Variants in GRM1 observed in about 807,000 individuals in gnomAD.
GRM1 encodes glutamate metabotropic receptor 1, also known as metabotropic glutamate receptor 1.
A neutral mutation model predicts 90.9 loss-of-function variants in GRM1; 33 were observed. The ratio of observed to expected loss-of-function variants is 0.36; its 90% CI spans 0.28 to 0.49. GRM1 has a LOEUF of 0.49. Ranked by LOEUF, GRM1 falls within the 20% of genes least tolerant of loss-of-function variation. GRM1 has a pLI of 0.99. For synonymous variants in GRM1, 700 were observed against 613.2 expected, an observed-to-expected ratio of 1.14 and a Z score of -2.09; for missense variants, 1,190 against 1,534.3, an observed-to-expected ratio of 0.78 and a Z score of 3.75.
At chr6:146,104,160 G>C (rs1273001039) in intron 1 of GRM1, among the ~76,000 whole-genome samples, 1 of 152,222 alleles carries the variant, frequency 6.6e-6, no homozygotes, top group African/African-American at 2.4e-5. Flanking sequence ...GTGGTTGCCA[G>C]CTGGGCGCGG....
intron 1 of GRM1, among the ~76,000 whole-genome samples, chr6:146,125,401 A>AT (rs1468942456): frequency 2.6e-5 from 4 of 151,568 alleles, no homozygotes; most frequent in African/African-American, 9.7e-5. Flanking sequence ...ACATAGGGAT[A>AT]TTTTTTCCTC....
At chr6:146,332,972 C>A (rs1475375431) in intron 3 of GRM1, among the ~76,000 whole-genome samples, 2 of 152,096 alleles carry the variant, frequency 1.3e-5, no homozygotes, top group Admixed American at 6.6e-5. Context: ...GAGTATTTTC[C>A]CCCATCCCTG....
At chr6:146,202,010 A>G (rs1169634380) in intron 2 of GRM1, among the ~76,000 whole-genome samples, 2 of 152,156 alleles carry the variant, frequency 1.3e-5, no homozygotes, top group Non-Finnish European at 2.9e-5. Flanking sequence ...TTAATGAAGG[A>G]CCCTGAGTGG....
intron 2 of GRM1, among the ~76,000 whole-genome samples, chr6:146,301,144 T>C (rs1475573386): frequency 1.3e-5 from 2 of 152,150 alleles, no homozygotes. Flanking sequence ...CTTTAAAACA[T>C]ATCCACCAAG....
rs140100055 is a variant in GRM1 at position 146,177,747 on chromosome 6, G to A, written c.950+18150G>A. On this transcript the variant is annotated intron_variant, in intron 2 of 7. Coordinates refer to ENST00000282753, the MANE Select transcript of GRM1 (RefSeq NM_001278064.2). ...ATTTCTTGTCTCTGCCTTGAAAAAT[G>A]CATTTTAAAATTGTAGACAAGAAAA... Among the ~76,000 whole-genome samples the A allele has an allele frequency of 3.0e-3, 461 of 152,098 alleles. 3 individuals carry two copies. The highest frequency in any genetic ancestry group is 0.011 in the African/African-American group (440 of 41,518).
At chr6:146,219,907 T>TTGTGTGTG (rs113309622) in intron 2 of GRM1, among the ~76,000 whole-genome samples, 4 of 148,402 alleles carry the variant, frequency 2.7e-5, no homozygotes, top group Admixed American at 1.4e-4. Context: ...TCTTGTTGTT[T>TTGTGTGTG]TGTGTGTGTG....
rs76129103 is a variant in GRM1, at chr6:146,339,611, T to C, written c.1187-12639T>C. 5.3e-5 allele frequency among the ~76,000 whole-genome samples: 8 copies of C among 152,356 alleles called. No individual in the cohort carries two copies. In the East Asian group the frequency reaches 1.5e-3, roughly 29 times the overall value. ...ATGCTTCAGTTAGATCATCATCCTATTGCTGAGTTATCAGTCATTCACTAT... is the reference window on the plus strand; with the variant it reads ...ATGCTTCAGTTAGATCATCATCCTACTGCTGAGTTATCAGTCATTCACTAT... On this transcript the variant is annotated intron_variant, in intron 3 of 7. Coordinates refer to ENST00000282753, the MANE Select transcript of GRM1 (RefSeq NM_001278064.2).
intron 3 of GRM1, among the ~76,000 whole-genome samples, chr6:146,349,057 T>C (rs1306140317): frequency 6.9e-6 from 1 of 145,848 alleles, no homozygotes; most frequent in Non-Finnish European, 1.5e-5. Flanking sequence ...TTATTATTAT[T>C]ATTATTATTA....
At chr6:146,143,236 C>A (rs945142341) in intron 1 of GRM1, among the ~76,000 whole-genome samples, 1 of 152,082 alleles carries the variant, frequency 6.6e-6, no homozygotes, top group Admixed American at 6.5e-5. Context: ...TCTTCCATAC[C>A]CTAATTTCCT....
intron 2 of GRM1, among the ~76,000 whole-genome samples, chr6:146,193,291 T>G (rs1424527735): frequency 6.6e-6 from 1 of 152,202 alleles, no homozygotes; most frequent in Non-Finnish European, 1.5e-5. Context: ...AAATCATGTG[T>G]CTGGATGAGA....
chr6:146,133,306 C>A (rs1217512384), intron 1 of GRM1, among the ~76,000 whole-genome samples: 2 of 152,148 alleles, frequency 1.3e-5, no homozygotes, highest in African/African-American at 2.4e-5. Context: ...AATAATGTCT[C>A]TTTTCTTAGT....
At chr6:146,105,050 T>C (rs765530536) in intron 1 of GRM1, among the ~76,000 whole-genome samples, 1 of 152,254 alleles carries the variant, frequency 6.6e-6, no homozygotes, top group Non-Finnish European at 1.5e-5. Context: ...TCCCTTGGGA[T>C]AAACCTTTGG....
At chr6:146,068,980 A>G (rs962293520) in intron 1 of GRM1, among the ~76,000 whole-genome samples, 1 of 152,164 alleles carries the variant, frequency 6.6e-6, no homozygotes, top group Non-Finnish European at 1.5e-5. Flanking sequence ...TGGCTATGTG[A>G]ATTTTTCTGC....
chr6:146,114,358 G>A (rs1029958167), intron 1 of GRM1, among the ~76,000 whole-genome samples: 3 of 152,122 alleles, frequency 2.0e-5, no homozygotes, highest in African/African-American at 4.8e-5. Context: ...AAATCAAACT[G>A]GGATTTGTTC....
chr6:146,225,152 C>T (rs73783647), intron 2 of GRM1, among the ~76,000 whole-genome samples: 109 of 152,190 alleles, frequency 7.2e-4, no homozygotes, highest in Middle Eastern at 3.4e-3. Context: ...ATATCTGGTC[C>T]ACGGGAATCA....
chr6:146,147,375 G>T (rs975870757), intron 1 of GRM1, among the ~76,000 whole-genome samples: 1 of 152,150 alleles, frequency 6.6e-6, no homozygotes, highest in Non-Finnish European at 1.5e-5. Flanking sequence ...CTCTGTAAAT[G>T]GAGAGAATTA....
intron 2 of GRM1, among the ~76,000 whole-genome samples, chr6:146,181,997 G>A (rs1778568323): frequency 6.6e-6 from 1 of 152,016 alleles, no homozygotes; most frequent in South Asian, 2.1e-4. Flanking sequence ...TTGAGAAAGG[G>A]TAGTTATTTT....
intron 2 of GRM1, among the ~76,000 whole-genome samples, chr6:146,266,547 C>T (rs1341279898): frequency 6.6e-6 from 1 of 152,124 alleles, no homozygotes; most frequent in Non-Finnish European, 1.5e-5. Flanking sequence ...TTTAATTAAT[C>T]ACCAGGTTCT....
chr6:146,421,578 T>C (rs1406932459), intron 7 of GRM1, among the ~76,000 whole-genome samples: 1 of 152,088 alleles, frequency 6.6e-6, no homozygotes, highest in Non-Finnish European at 1.5e-5. Flanking sequence ...GCTTCAAACA[T>C]ATCCTTAATA....
Sources: allele counts gnomAD v4.1 joint callset (sites outside exome capture counted in the v4.1 genomes callset), GRCh38; gene constraint gnomAD v4.1.1; transcripts MANE v1.5; gene names NCBI Gene and HGNC (gene_info 2026-07-23, HGNC 2026-07-21).